The following SH3PXD2A variants were observed in gnomAD, a reference collection of about 807,000 sequenced individuals.
SH3PXD2A encodes SH3 and PX domain-containing protein 2A.
SH3PXD2A carries 32 observed loss-of-function variants against 115.2 expected under a neutral mutation model. The ratio of observed to expected loss-of-function variants is 0.28; its 90% CI spans 0.21 to 0.37. SH3PXD2A has a LOEUF of 0.37. Among genes scored for constraint, SH3PXD2A ranks in the 10% least tolerant of loss-of-function variants. The probability of loss-of-function intolerance (pLI) is 1.00; values close to 1 mark genes in which losing one functional copy is unlikely to be tolerated. For synonymous variants in SH3PXD2A, 610 were observed against 629.1 expected, an observed-to-expected ratio of 0.97 and a Z score of 0.45; for missense variants, 1,328 against 1,498.7, an observed-to-expected ratio of 0.89 and a Z score of 1.88.
At chr10:103,656,727 G>A (rs2037217816) in intron 8 of SH3PXD2A, among the ~76,000 whole-genome samples, 1 of 151,000 alleles carries the variant, frequency 6.6e-6, no homozygotes, top group Non-Finnish European at 1.5e-5. Flanking sequence ...CTACTTGGAG[G>A]CTAAGGCAGG....
At chr10:103,824,118 C>T (rs375700511) in intron 1 of SH3PXD2A, among the ~76,000 whole-genome samples, 19 of 152,154 alleles carry the variant, frequency 1.2e-4, no homozygotes, top group Non-Finnish European at 2.4e-4. Context: ...CCCTGGGAAA[C>T]CCCTCATCCA....
At chr10:103,691,004 T>C (rs1026139966) in intron 6 of SH3PXD2A, among the ~76,000 whole-genome samples, 3 of 152,204 alleles carry the variant, frequency 2.0e-5, no homozygotes, top group African/African-American at 7.2e-5. Flanking sequence ...TGGCTTTCCC[T>C]GGGGGAGGCA....
At chr10:103,674,468 G>A (rs957303443) in intron 6 of SH3PXD2A, among the ~76,000 whole-genome samples, 5 of 152,184 alleles carry the variant, frequency 3.3e-5, no homozygotes, top group African/African-American at 1.2e-4. Context: ...TGAAAGCCAC[G>A]TGAATGTCAT....
At chr10:103,642,523 C>T (rs771830367) in intron 8 of SH3PXD2A, among the ~76,000 whole-genome samples, 3 of 152,118 alleles carry the variant, frequency 2.0e-5, no homozygotes, top group Non-Finnish European at 4.4e-5. Flanking sequence ...CTTTAGGAAG[C>T]CAACGTCAGA....
intron 6 of SH3PXD2A, among the ~76,000 whole-genome samples, chr10:103,689,698 G>C (rs1281455734): frequency 1.3e-5 from 2 of 152,154 alleles, no homozygotes; most frequent in Non-Finnish European, 2.9e-5. Context: ...GTGACTTCTA[G>C]ATGTTGGGCT....
At chr10:103,640,463 G>C (rs1348472897) in intron 8 of SH3PXD2A, among the ~76,000 whole-genome samples, 2 of 152,268 alleles carry the variant, frequency 1.3e-5, no homozygotes, top group East Asian at 3.9e-4. Context: ...ATCCCCAGAG[G>C]GTAAGTAGAC....
At chr10:103,741,594 C>G (rs566100356) in intron 3 of SH3PXD2A, among the ~76,000 whole-genome samples, 1 of 152,226 alleles carries the variant, frequency 6.6e-6, no homozygotes. Context: ...CCACCCTGGC[C>G]TCCAGGGATA....
At chr10:103,805,127 T>C (rs1486940507) in intron 1 of SH3PXD2A, among the ~76,000 whole-genome samples, 1 of 152,182 alleles carries the variant, frequency 6.6e-6, no homozygotes, top group Non-Finnish European at 1.5e-5. Context: ...AACTGAGGCT[T>C]AACACACATC....
chr10:103,715,458 AAGGG>A lies in SH3PXD2A; in HGVS notation c.398+8808_398+8811del, dbSNP rs1171157961. Among the ~76,000 whole-genome samples the A allele has an allele frequency of 2.6e-5, 4 of 152,320 alleles. No homozygotes were observed. The East Asian group carries it at 7.7e-4, about 29-fold the overall frequency. Reference sequence around the variant, plus strand: ...GCACTCAGTAACTACCTGCAGAGTGAAGGGAGGCTGCTGTGGAGAGGTTCCAGGG... The same window carrying A: ...GCACTCAGTAACTACCTGCAGAGTGAAGGCTGCTGTGGAGAGGTTCCAGGG... On this transcript the variant is annotated intron_variant, in intron 5 of 14. Transcript: ENST00000369774.
At chr10:103,722,268 C>T (rs957256769) in intron 5 of SH3PXD2A, among the ~76,000 whole-genome samples, 2 of 147,080 alleles carry the variant, frequency 1.4e-5, no homozygotes, top group African/African-American at 5.1e-5. Context: ...TGCTCCACTG[C>T]ACTCCAGCCT....
intron 8 of SH3PXD2A, among the ~76,000 whole-genome samples, chr10:103,655,636 G>A (rs1047136319): frequency 6.6e-6 from 1 of 152,012 alleles, no homozygotes; most frequent in Non-Finnish European, 1.5e-5. Flanking sequence ...AGGCAGGCAT[G>A]GTGGTGCACG....
intron 1 of SH3PXD2A, among the ~76,000 whole-genome samples, chr10:103,816,876 C>T (rs1017725192): frequency 4.6e-5 from 7 of 152,136 alleles, no homozygotes; most frequent in Middle Eastern, 3.4e-3. Context: ...CTTGCTCTGT[C>T]GTCCAGGCTG....
At chr10:103,847,900 C>T (rs1842862174) in intron 1 of SH3PXD2A, among the ~76,000 whole-genome samples, 1 of 151,186 alleles carries the variant, frequency 6.6e-6, no homozygotes, top group Admixed American at 6.6e-5. Flanking sequence ...GATCGCACCA[C>T]TGCACTCCAG....
intron 8 of SH3PXD2A, among the ~76,000 whole-genome samples, chr10:103,651,917 G>C (rs1398717684): frequency 6.6e-6 from 1 of 152,214 alleles, no homozygotes; most frequent in Non-Finnish European, 1.5e-5. Context: ...AGGGCAACCT[G>C]TGGCACTGCC....
intron 8 of SH3PXD2A, among the ~76,000 whole-genome samples, chr10:103,656,777 G>A (rs1010031212): frequency 1.4e-5 from 2 of 146,506 alleles, no homozygotes; most frequent in Admixed American, 7.0e-5. Flanking sequence ...GCAGTGAGCC[G>A]AGATCATGCC....
intron 1 of SH3PXD2A, among the ~76,000 whole-genome samples, chr10:103,817,252 C>T (rs537497069): frequency 6.6e-6 from 1 of 151,998 alleles, no homozygotes; most frequent in Admixed American, 6.6e-5. Context: ...TATTTCATCA[C>T]CCAGGTATAA....
In SH3PXD2A at chr10:103,596,805, G is replaced by A. The variant is rs1456295706; in HGVS notation, c.*5011C>T. The A allele has an allele frequency of 2.0e-5, 3 of 152,492 alleles. No homozygotes were observed. Among genetic ancestry groups the A allele is most frequent in the Admixed American group, 6.6e-5 (1 of 15,260 alleles). 9.4% of individuals were successfully genotyped at this position (152,492 alleles called of 1,614,324 possible). ...AGACTAAATATCTAGATGGATATAC[G>A]CCAAGGGAGAGACCCGCACAGGGCA... On this transcript the variant is annotated 3_prime_UTR_variant, in exon 15 of 15. Transcript: ENST00000369774.
intron 2 of SH3PXD2A, among the ~76,000 whole-genome samples, chr10:103,789,556 C>T (rs1564889452): frequency 1.3e-5 from 2 of 150,898 alleles, no homozygotes; most frequent in Admixed American, 6.6e-5. Context: ...CACACACACA[C>T]AACACTCACC....
intron 6 of SH3PXD2A, among the ~76,000 whole-genome samples, chr10:103,681,859 G>C (rs559536719): frequency 6.6e-6 from 1 of 152,182 alleles, no homozygotes; most frequent in Non-Finnish European, 1.5e-5. Context: ...TGGACTGCTT[G>C]AGGAGCTTGG....
Sources: gnomAD v4.1 joint callset for allele counts (sites outside exome capture counted in the v4.1 genomes callset) on GRCh38, gnomAD v4.1.1 for gene constraint, MANE v1.5 for transcripts, NCBI Gene and HGNC (gene_info 2026-07-23, HGNC 2026-07-21) for gene names.